LRIT1: variants seen among roughly 807,000 people sequenced by gnomAD.
LRIT1 encodes the protein leucine rich repeat, Ig-like and transmembrane domains 1.
Under a neutral mutation model 24.0 loss-of-function variants are expected in LRIT1, and 23 were observed. The observed-to-expected ratio is 0.96, with a 90% CI of 0.69 to 1.36. LRIT1 has a LOEUF of 1.36. LRIT1 is among the 40% of genes most tolerant of loss of function. LRIT1 has a pLI of 0.00. For synonymous variants in LRIT1, 361 were observed against 340.5 expected, an observed-to-expected ratio of 1.06 and a Z score of -0.66; for missense variants, 846 against 806.3, an observed-to-expected ratio of 1.05 and a Z score of -0.60.
chr10:84,237,873 G>T (rs893804336), intron 1 of LRIT1, among the ~76,000 whole-genome samples, 187 bp from the exon 2 acceptor site: 1 of 152,154 alleles, frequency 6.6e-6, no homozygotes, highest in African/African-American at 2.4e-5. Flanking sequence ...CTTTGCAGAG[G>T]TCTTGCTCTC....
At chr10:84,233,643 T>A (rs1402150923) in intron 3 of LRIT1, among the ~76,000 whole-genome samples, 1 of 152,246 alleles carries the variant, frequency 6.6e-6, no homozygotes, top group East Asian at 1.9e-4. Context: ...TGTCATTATG[T>A]GCATAATACA....
At chr10:84,241,258 C>T in intron 1 of LRIT1, 60 bp downstream of exon 1, 1 of 1,610,768 alleles carries the variant, frequency 6.2e-7, no homozygotes, top group African/African-American at 1.3e-5. Context: ...CCTCCCAACC[C>T]AGCCTAGCTG....
At position 84,232,600 on chromosome 10, in the gene LRIT1, C is replaced by T. The variant is rs1283975970; in HGVS notation, c.1199G>A (p.Ser400Asn). 6.2e-7 allele frequency: 1 copy of T among 1,614,006 alleles called. No individual in the cohort carries two copies. Among genetic ancestry groups the T allele is most frequent in the Non-Finnish European group, 8.5e-7 (1 of 1,179,892 alleles). ...CTCAAGGGTCAGCTCCTCCTTTGTG[C>T]TGGGCACAGAGGGTCCAGTGGCCAG... The part of the protein sequence containing the change: ...AVLATGPSVP[S>N]TKEELTLEHF... Residue 400 changes from serine (S) to asparagine (N), a missense_variant, in exon 4 of 4, where the codon AGC (serine) becomes AAC (asparagine). By Grantham distance (46) the Ser-to-Asn change is conservative. Transcript: ENST00000372105.
rs1247191663 is a variant in LRIT1, at chr10:84,241,484, C to T, written c.-45G>A. On this transcript the variant is annotated 5_prime_UTR_variant, in exon 1 of 4. Transcript: ENST00000372105. ...GCCCAGGCAGGGGCCTGTCCCTGGA[C>T]CGCTCCGTCCCACCGGCCCAGCAAG... 5.6e-6 allele frequency: 8 copies of T among 1,436,518 alleles called. No homozygotes were observed. The highest frequency in any genetic ancestry group is 5.8e-5 in the Admixed American group (2 of 34,320). The allele number at this position is 1,436,518 out of a possible 1,614,324, so 89.0% of individuals were successfully genotyped here. A position where few individuals can be genotyped will look rare whatever the true frequency, so the allele number is the denominator to read the frequency against.
chr10:84,234,496 CT>C, intron 2 of LRIT1, 118 bp from the exon 3 acceptor site: 2 of 732,694 alleles, frequency 2.7e-6, no homozygotes, highest in Non-Finnish European at 4.3e-6. Flanking sequence ...CAGAACTGGC[CT>C]CTGGACCCAG....
chr10:84,232,724 C>T lies in LRIT1; in HGVS notation c.1075G>A (p.Gly359Arg). The T allele has an allele frequency of 2.5e-6, 4 of 1,614,060 alleles. No homozygotes were observed. Among genetic ancestry groups the T allele is most frequent in the Non-Finnish European group, 3.4e-6 (4 of 1,180,002 alleles). ...CCACCTGTCCTTGCCCATAGTGCTC[C>T]TGGGCTCCCACTGTGTTCTGTGGAA... ...PTSTEHSGSP[G>R]ALWARTGGGG... is the part of the protein sequence containing the mutation. Residue 359 changes from glycine (G) to arginine (R), a missense_variant, in exon 4 of 4, where the codon GGA becomes AGA. Transcript: ENST00000372105.
chr10:84,231,999 TG>T lies in LRIT1; in HGVS notation c.1799del (p.Ser600Ter), dbSNP rs768423324. ...CCTGAAAGTCCACACTGGAACGAGC[TG>T]AGAGAAGCCTGTCAGCCTCGCTGAC... is the stretch of plus-strand genomic sequence containing the variant. ...HSVSEADRLL[S>X]ARSSVDFQAF... On this transcript the variant is annotated frameshift_variant, in exon 4 of 4. Coordinates refer to ENST00000372105, the MANE Select transcript of LRIT1 (RefSeq NM_015613.3). LOFTEE classifies it high-confidence loss of function. The T allele has an allele frequency of 3.1e-6, 5 of 1,614,116 alleles. No homozygotes were observed. The South Asian group carries it at 5.5e-5, about 18-fold the overall frequency.
intron 1 of LRIT1, among the ~76,000 whole-genome samples, chr10:84,238,745 C>T (rs1207722201): frequency 6.6e-6 from 1 of 152,246 alleles, no homozygotes; most frequent in Non-Finnish European, 1.5e-5. Flanking sequence ...ATGTTTGCAT[C>T]TCAGCACTGC....
Position 84,231,668 on chromosome 10 carries a change from A to T in LRIT1, c.*259T>A. The stretch of plus-strand genomic sequence containing the variant: ...GGCAAGTTTCTTAACCCCCCACCCC[A>T]GGGAAATGGAGAGAATAGTGATGCC... On this transcript the variant is annotated 3_prime_UTR_variant, in exon 4 of 4. Coordinates refer to ENST00000372105, the MANE Select transcript of LRIT1 (RefSeq NM_015613.3). 1 of 480,214 alleles carries T rather than the reference A, an allele frequency of 2.1e-6. No homozygotes were observed. The highest frequency in any genetic ancestry group is 3.6e-5 in the East Asian group (1 of 27,958). 29.7% of individuals were successfully genotyped at this position (480,214 alleles called of 1,614,324 possible).
At position 84,237,608 on chromosome 10, in the gene LRIT1, C is replaced by A; in HGVS notation, c.201G>T (p.Glu67Asp). 6.2e-7 allele frequency: 1 copy of A among 1,606,910 alleles called. No homozygotes were observed. The highest frequency in any genetic ancestry group is 1.1e-5 in the South Asian group (1 of 91,060). The change falls in exon 2 of 4, where the codon GAG becomes GAT. Residue 67 changes from glutamate to aspartate, a missense_variant. Glu to Asp is a conservative substitution (Grantham distance 45, BLOSUM62 2). Coordinates refer to ENST00000372105, the MANE Select transcript of LRIT1 (RefSeq NM_015613.3). ...CAGGAACCCTGCGTATGGCCGTCCG[C>A]TCCAGGCGCAGTCTGGAGGTGTCCG... ...IPPDTSRLRL[E>D]RTAIRRVPGE...
intron 2 of LRIT1, among the ~76,000 whole-genome samples, chr10:84,235,648 T>C (rs1469332792): frequency 2.0e-5 from 3 of 152,134 alleles, no homozygotes; most frequent in African/African-American, 7.2e-5. Flanking sequence ...GTCTCACTCA[T>C]TGCCCAGGCT....
chr10:84,241,266 C>A, intron 1 of LRIT1, 52 bp downstream of exon 1: 1 of 1,612,138 alleles, frequency 6.2e-7, no homozygotes, highest in Non-Finnish European at 8.5e-7. Context: ...CCCAGCCTAG[C>A]TGGCAAAGCA....
Position 84,234,136 on chromosome 10 carries a change from T to C in LRIT1, c.832A>G (p.Thr278Ala). The C allele has an allele frequency of 1.2e-6, 2 of 1,607,546 alleles. No individual in the cohort carries two copies. The highest frequency in any genetic ancestry group is 2.2e-5 in the East Asian group (1 of 44,722). ...GGTALLRCGA[T>A]GVPGPEMSWR... ...CTCATCTCGGGCCCAGGGACTCCAGTAGCTCCACAGCGTAGCAGTGCTGTG... is the reference window on the plus strand; with the variant it reads ...CTCATCTCGGGCCCAGGGACTCCAGCAGCTCCACAGCGTAGCAGTGCTGTG... Residue 278 changes from threonine (T) to alanine (A), a missense_variant, in exon 3 of 4, where the codon ACT (threonine) becomes GCT (alanine). Thr to Ala is a moderately conservative substitution (Grantham distance 58). Transcript: ENST00000372105.
intron 1 of LRIT1, among the ~76,000 whole-genome samples, chr10:84,239,416 G>A (rs1165066290): frequency 6.6e-6 from 1 of 152,200 alleles, no homozygotes; most frequent in Non-Finnish European, 1.5e-5. Flanking sequence ...CTGCACTCCA[G>A]CCTGGGTGAC....
Position 84,233,003 on chromosome 10 carries a change from G to A in LRIT1, c.896-100C>T. ...ACAGCCCCAGGTGGTACACACTCAG[G>A]TGTCATCGTAAGAAAACACTGGCAG... On this transcript the variant is annotated intron_variant, in intron 3 of 3. Transcript: ENST00000372105. The A allele has an allele frequency of 2.3e-6, 3 of 1,321,886 alleles. No homozygotes were observed. In the South Asian group the frequency reaches 4.4e-5, roughly 19 times the overall value. The allele number at this position is 1,321,886 out of a possible 1,614,324, so 81.9% of individuals were successfully genotyped here.
chr10:84,233,772 C>G, intron 3 of LRIT1, among the ~76,000 whole-genome samples: 1 of 152,196 alleles, frequency 6.6e-6, no homozygotes, highest in Non-Finnish European at 1.5e-5. Flanking sequence ...AATATTAACA[C>G]ACTAAAAGAG....
chr10:84,238,332 G>GT (rs957108584), intron 1 of LRIT1, among the ~76,000 whole-genome samples: 15 of 151,260 alleles, frequency 9.9e-5, no homozygotes, highest in African/African-American at 3.6e-4. Flanking sequence ...TCCAGCCTGG[G>GT]TGACACAGCA....
chr10:84,232,572 G>A lies in LRIT1; in HGVS notation c.1227C>T (p.His409=). The change falls in exon 4 of 4, where the codon CAC becomes CAT. Residue 409 remains histidine (H), a synonymous_variant. Coordinates refer to ENST00000372105, the MANE Select transcript of LRIT1 (RefSeq NM_015613.3). Reference sequence around the variant, plus strand: ...GCTCTCCCAGGGCATCCATCTGGAAGTGCTCAAGGGTCAGCTCCTCCTTTG... The same window carrying A: ...GCTCTCCCAGGGCATCCATCTGGAAATGCTCAAGGGTCAGCTCCTCCTTTG... ...PSTKEELTLE[H]FQMDALGELS... 1 of 1,614,162 alleles carries A rather than the reference G, an allele frequency of 6.2e-7. No individual in the cohort carries two copies. The highest frequency in any genetic ancestry group is 1.1e-5 in the South Asian group (1 of 91,082).
chr10:84,241,499 G>GGCCAAGCAA lies in LRIT1; in HGVS notation c.-61_-60insTTGCTTGGC. ...TGTCCCTGGACCGCTCCGTCCCACC[G>GGCCAAGCAA]GCCCAGCAAGCTCAGCAGCTGCCCA... On this transcript the variant is annotated 5_prime_UTR_variant, in exon 1 of 4. Coordinates refer to ENST00000372105, the MANE Select transcript of LRIT1 (RefSeq NM_015613.3). The GGCCAAGCAA allele has an allele frequency of 7.0e-7, 1 of 1,421,114 alleles. No homozygotes were observed. The allele number at this position is 1,421,114 out of a possible 1,614,324, so 88.0% of individuals were successfully genotyped here.
Sources: gnomAD v4.1 joint callset for allele counts (sites outside exome capture counted in the v4.1 genomes callset) on GRCh38, gnomAD v4.1.1 for gene constraint, MANE v1.5 for transcripts, NCBI Gene and HGNC (gene_info 2026-07-23, HGNC 2026-07-21) for gene names.